The following EHMT1 variants were observed in gnomAD, a reference collection of about 807,000 sequenced individuals.
The protein encoded by EHMT1 is histone-lysine N-methyltransferase EHMT1.
In EHMT1, 15 loss-of-function variants were observed where a neutral mutation model predicts 147.2. The ratio of observed to expected loss-of-function variants is 0.10; its 90% confidence interval spans 0.07 to 0.16. The LOEUF (loss-of-function observed/expected upper bound fraction) is 0.16, where lower values mean the gene tolerates loss of function less well. Ranked by LOEUF, EHMT1 falls within the 10% of genes least tolerant of loss-of-function variation. The pLI, the probability that EHMT1 is intolerant of heterozygous loss-of-function variation, is 1.00. For synonymous variants in EHMT1, 795 were observed against 709.6 expected (o/e 1.12, Z -1.91); for missense variants, 1,587 against 1,772.4 (o/e 0.90, Z 1.88).
chr9:137,715,851 T>C, intron 2 of EHMT1: 1 of 984,674 alleles, frequency 1.0e-6, no homozygotes, highest in Non-Finnish European at 1.2e-6. Context: ...TAACACTCCA[T>C]GTTTTATTAT....
chr9:137,680,086 C>G (rs577029323), intron 1 of EHMT1, among the ~76,000 whole-genome samples: 2 of 151,858 alleles, frequency 1.3e-5, no homozygotes, highest in African/African-American at 4.8e-5. Flanking sequence ...CCTGCTGATG[C>G]GAAATGCCTC....
At chr9:137,751,111 A>T (rs991786260) in intron 6 of EHMT1, among the ~76,000 whole-genome samples, 1 of 152,178 alleles carries the variant, frequency 6.6e-6, no homozygotes, top group African/African-American at 2.4e-5. Flanking sequence ...CTATTATTTT[A>T]AAAAACGAAT....
chr9:137,784,566 T>C (rs758832423), intron 15 of EHMT1: 2 of 423,782 alleles, frequency 4.7e-6, no homozygotes, highest in Non-Finnish European at 6.4e-6. Context: ...CTCTTCTCTC[T>C]GTTAGTTACA....
chr9:137,835,945 C>T lies in EHMT1; in HGVS notation c.*992C>T, dbSNP rs1167897292. On this transcript the variant is annotated 3_prime_UTR_variant, in exon 27 of 27. Coordinates refer to ENST00000460843, the MANE Select transcript of EHMT1 (RefSeq NM_024757.5). ...TTTTTGGCATATACCTTTTTAAAGACTGTAATTAGTGCAGTAACAGTGGGG... is the reference window on the plus strand; with the variant it reads ...TTTTTGGCATATACCTTTTTAAAGATTGTAATTAGTGCAGTAACAGTGGGG... 3.3e-5 allele frequency: 5 copies of T among 152,550 alleles called. No homozygotes were observed. Among genetic ancestry groups the T allele is most frequent in the Non-Finnish European group, 5.9e-5 (4 of 68,040 alleles). 9.4% of individuals were successfully genotyped at this position (152,550 alleles called of 1,614,324 possible). A position where few individuals can be genotyped will look rare whatever the true frequency, so the allele number is the denominator to read the frequency against.
At chr9:137,772,396 G>A (rs753406971) in intron 10 of EHMT1, among the ~76,000 whole-genome samples, 8 of 152,224 alleles carry the variant, frequency 5.3e-5, no homozygotes, top group Admixed American at 3.3e-4. Flanking sequence ...GTTTTGTAGC[G>A]GTGGGCTTGT....
At chr9:137,814,149 C>T (rs1164714344) in intron 21 of EHMT1, 10 of 499,184 alleles carry the variant, frequency 2.0e-5, no homozygotes, top group Non-Finnish European at 3.3e-5. Flanking sequence ...ATGCAGCCGC[C>T]GCCCAGCCCT....
At chr9:137,642,144 A>G (rs1445920264) in intron 1 of EHMT1, among the ~76,000 whole-genome samples, 1 of 152,016 alleles carries the variant, frequency 6.6e-6, no homozygotes, top group East Asian at 1.9e-4. Flanking sequence ...CCGGCCCCAA[A>G]TTTTTTAATC....
intron 25 of EHMT1, among the ~76,000 whole-genome samples, chr9:137,821,317 C>CGTT (rs1564825207): frequency 2.6e-5 from 2 of 75,904 alleles, no homozygotes; most frequent in East Asian, 1.1e-3. Flanking sequence ...CTGCGCCCGG[C>CGTT]CTTTTTTTTT....
intron 1 of EHMT1, among the ~76,000 whole-genome samples, chr9:137,631,620 A>T (rs1472630376): frequency 2.6e-5 from 4 of 152,132 alleles, no homozygotes; most frequent in Non-Finnish European, 5.9e-5. Context: ...TCACACCTGT[A>T]ATCCCAGCAC....
chr9:137,778,503 C>G (rs1198032431), intron 13 of EHMT1, among the ~76,000 whole-genome samples: 1 of 152,254 alleles, frequency 6.6e-6, no homozygotes, highest in Non-Finnish European at 1.5e-5. Flanking sequence ...ATTGCCCCAC[C>G]AGGGAGGCAG....
intron 25 of EHMT1, chr9:137,832,644 T>A (rs1956297315): frequency 6.5e-6 from 1 of 153,308 alleles, no homozygotes; most frequent in South Asian, 2.0e-4. Flanking sequence ...CCAGCCGTCC[T>A]TCTCTGGACT....
chr9:137,832,827 T>G (rs554617819), intron 25 of EHMT1: 2 of 152,372 alleles, frequency 1.3e-5, no homozygotes, highest in Non-Finnish European at 2.9e-5. Flanking sequence ...TTGCTGCTTA[T>G]CAAGACCTTC....
intron 1 of EHMT1, among the ~76,000 whole-genome samples, chr9:137,636,316 G>C (rs905594595): frequency 3.3e-5 from 5 of 152,152 alleles, no homozygotes; most frequent in Admixed American, 6.5e-5. Flanking sequence ...TTTTGGTGTG[G>C]ATTCCTTGGG....
intron 10 of EHMT1, among the ~76,000 whole-genome samples, chr9:137,772,385 C>A (rs1000027532): frequency 6.6e-6 from 1 of 151,924 alleles, no homozygotes; most frequent in Non-Finnish European, 1.5e-5. Context: ...AATAGGAAAC[C>A]GTTTTGTAGC....
chr9:137,671,995 T>C lies in EHMT1; in HGVS notation c.22-38972T>C, dbSNP rs770457485. On this transcript the variant is annotated intron_variant, in intron 1 of 26. Coordinates refer to ENST00000460843, the MANE Select transcript of EHMT1 (RefSeq NM_024757.5). ...TCAGTGAAGCTCCCCCAGCACTTCC[T>C]GTCCAGCAGACATGACAGTGCAGAG... Among the ~76,000 whole-genome samples, 74 of 152,220 alleles carry C rather than the reference T, an allele frequency of 4.9e-4. 1 individual carries two copies. Among genetic ancestry groups the C allele is most frequent in the Non-Finnish European group, 2.2e-4 (15 of 68,036 alleles).
At chr9:137,789,986 T>C (rs1952394341) in intron 15 of EHMT1, among the ~76,000 whole-genome samples, 1 of 152,246 alleles carries the variant, frequency 6.6e-6, no homozygotes, top group South Asian at 2.1e-4. Flanking sequence ...TGCCTTGGCC[T>C]CCCAAAGTGC....
At chr9:137,668,888 G>C (rs1264554666) in intron 1 of EHMT1, among the ~76,000 whole-genome samples, 1 of 152,080 alleles carries the variant, frequency 6.6e-6, no homozygotes, top group African/African-American at 2.4e-5. Flanking sequence ...TAAATGCCAA[G>C]TTGTTTTCTT....
chr9:137,745,022 A>G (rs1032131352), intron 6 of EHMT1, among the ~76,000 whole-genome samples: 1 of 152,368 alleles, frequency 6.6e-6, no homozygotes, highest in Non-Finnish European at 1.5e-5. Context: ...TCAAGTTGAC[A>G]TGCAAATCTG....
intron 25 of EHMT1, among the ~76,000 whole-genome samples, chr9:137,823,757 CA>C: frequency 6.6e-6 from 1 of 152,040 alleles, no homozygotes; most frequent in East Asian, 1.9e-4. Context: ...GAGGTTTCGC[CA>C]TGTTGGCCAG....
Sources: allele counts gnomAD v4.1 joint callset (sites outside exome capture counted in the v4.1 genomes callset), GRCh38; gene constraint gnomAD v4.1.1; transcripts MANE v1.5; gene names NCBI Gene and HGNC (gene_info 2026-07-23, HGNC 2026-07-21).